The following TEX9 variants were observed in gnomAD, a reference collection of about 807,000 sequenced individuals.
TEX9 encodes testis expressed 9.
In TEX9, 74 loss-of-function variants were observed where a neutral mutation model predicts 59.6. The observed-to-expected ratio is 1.24, with a 90% CI of 1.03 to 1.51. The LOEUF (loss-of-function observed/expected upper bound fraction) is 1.51. TEX9 is among the 40% of genes most tolerant of loss of function. The pLI is 0.00. For synonymous variants in TEX9, 186 were observed against 152.2 expected (o/e 1.22, Z -1.64); for missense variants, 522 against 447.8 (o/e 1.17, Z -1.49).
At chr15:56,391,873 T>C (rs1399593599) in intron 7 of TEX9, among the ~76,000 whole-genome samples, 2 of 152,168 alleles carry the variant, frequency 1.3e-5, no homozygotes, top group Non-Finnish European at 2.9e-5. Flanking sequence ...TGAATTGACA[T>C]TGCATCAGGT....
chr15:56,377,931 G>A (rs147469281), intron 3 of TEX9, among the ~76,000 whole-genome samples: 1 of 152,212 alleles, frequency 6.6e-6, no homozygotes, highest in African/African-American at 2.4e-5. Flanking sequence ...ACCATGAAGG[G>A]ATGTTGAACT....
chr15:56,321,192 A>G (rs1184238122), intron 1 of TEX9, among the ~76,000 whole-genome samples: 1 of 152,198 alleles, frequency 6.6e-6, no homozygotes, highest in Non-Finnish European at 1.5e-5. Flanking sequence ...GAGGAATACA[A>G]TAAGGCCACA....
chr15:56,247,707 C>T (rs1042878627), intron 1 of TEX9, among the ~76,000 whole-genome samples: 1 of 152,140 alleles, frequency 6.6e-6, no homozygotes, highest in African/African-American at 2.4e-5. Context: ...GCCTGAAAGT[C>T]GGTTTCATTA....
chr15:56,310,736 G>A (rs1467475196), intron 1 of TEX9, among the ~76,000 whole-genome samples: 1 of 152,192 alleles, frequency 6.6e-6, no homozygotes, highest in Non-Finnish European at 1.5e-5. Context: ...AGTCTTCTGA[G>A]CAAAGGGAAA....
chr15:56,275,493 C>T (rs760849943), intron 1 of TEX9, among the ~76,000 whole-genome samples: 1 of 152,138 alleles, frequency 6.6e-6, no homozygotes, highest in Non-Finnish European at 1.5e-5. Context: ...TACATGGCTC[C>T]AAAGGATTTT....
intron 3 of TEX9, among the ~76,000 whole-genome samples, chr15:56,375,387 T>C (rs1346955956): frequency 6.6e-6 from 1 of 152,052 alleles, no homozygotes; most frequent in African/African-American, 2.4e-5. Flanking sequence ...GTAAATTTGT[T>C]TGAGTTCATT....
chr15:56,424,270 C>T (rs2050137471), intron 10 of TEX9, among the ~76,000 whole-genome samples: 1 of 152,076 alleles, frequency 6.6e-6, no homozygotes, highest in Non-Finnish European at 1.5e-5. Flanking sequence ...ACAGTTTTGA[C>T]TTAAAGTCTA....
At chr15:56,348,646 T>G (rs565735895) in intron 1 of TEX9, among the ~76,000 whole-genome samples, 11 of 152,252 alleles carry the variant, frequency 7.2e-5, no homozygotes, top group African/African-American at 2.2e-4. Flanking sequence ...ATGTGCCAAT[T>G]TTCTTTGACT....
chr15:56,300,737 G>GAGAGAGAGAGAGAGAGAA, intron 1 of TEX9, among the ~76,000 whole-genome samples: 1 of 149,028 alleles, frequency 6.7e-6, no homozygotes, highest in African/African-American at 2.5e-5. Flanking sequence ...GAGAGAGAGA[G>GAGAGAGAGAGAGAGAGAA]AGAGAGAGAC....
chr15:56,372,629 G>T (rs2682036), intron 2 of TEX9, among the ~76,000 whole-genome samples: 4,757 of 152,014 alleles, frequency 0.031, 182 homozygotes, highest in East Asian at 0.093. Context: ...ATTACGTGAA[G>T]ATAGATATTC....
chr15:56,317,231 A>G (rs763755878), intron 1 of TEX9, among the ~76,000 whole-genome samples: 2 of 152,224 alleles, frequency 1.3e-5, no homozygotes. Context: ...TTATGAATCT[A>G]TTCAGATTTT....
At chr15:56,389,782 T>G (rs1485544975) in intron 6 of TEX9, among the ~76,000 whole-genome samples, 1 of 151,994 alleles carries the variant, frequency 6.6e-6, no homozygotes, top group Non-Finnish European at 1.5e-5. Flanking sequence ...TATTATTTTG[T>G]CTGTTGAGCT....
At chr15:56,375,672 CA>C (rs2047405670) in intron 3 of TEX9, among the ~76,000 whole-genome samples, 1 of 151,948 alleles carries the variant, frequency 6.6e-6, no homozygotes, top group Admixed American at 6.6e-5. Context: ...GTCTTTAATC[CA>C]TCTTGAATTA....
At chr15:56,346,259 G>A (rs1483044430) in intron 1 of TEX9, among the ~76,000 whole-genome samples, 1 of 152,154 alleles carries the variant, frequency 6.6e-6, no homozygotes, top group African/African-American at 2.4e-5. Flanking sequence ...AGAGAAGCAG[G>A]GAGTGAGCTC....
downstream of TEX9, among the ~76,000 whole-genome samples, chr15:56,447,967 T>C (rs186693399): frequency 2.0e-5 from 3 of 152,354 alleles, no homozygotes; most frequent in East Asian, 5.8e-4. Flanking sequence ...TTATTGCATA[T>C]AGTAATTGCT....
chr15:56,264,427 T>G (rs1335119686), intron 1 of TEX9, among the ~76,000 whole-genome samples: 1 of 152,214 alleles, frequency 6.6e-6, no homozygotes, highest in Non-Finnish European at 1.5e-5. Context: ...TTCCCTGGGT[T>G]GTTTGATTTC....
In TEX9 at chr15:56,401,187, A is replaced by G. The variant is rs1391281489; in HGVS notation, c.828+6353A>G. ...CCCCAATTAAAAGACACAGACTCGCAAATTGGATATAGAGTCAAGACCCAT... is the reference window on the plus strand; with the variant it reads ...CCCCAATTAAAAGACACAGACTCGCGAATTGGATATAGAGTCAAGACCCAT... On this transcript the variant is annotated intron_variant, in intron 9 of 12. Transcript: ENST00000352903. Among the ~76,000 whole-genome samples, 4 of 152,018 alleles carry G rather than the reference A, an allele frequency of 2.6e-5. No homozygotes were observed. The East Asian group carries it at 7.7e-4, about 29-fold the overall frequency.
At chr15:56,319,832 A>C (rs1160748134) in intron 1 of TEX9, among the ~76,000 whole-genome samples, 1 of 152,210 alleles carries the variant, frequency 6.6e-6, no homozygotes, top group Non-Finnish European at 1.5e-5. Flanking sequence ...TTGGAAAATG[A>C]GTATTAAAGT....
At chr15:56,336,933 C>G (rs1244759394) in intron 1 of TEX9, among the ~76,000 whole-genome samples, 4 of 152,158 alleles carry the variant, frequency 2.6e-5, no homozygotes, top group African/African-American at 9.7e-5. Context: ...AAGTGTTTGA[C>G]ACTCCCAGCA....
Sources: allele counts gnomAD v4.1 joint callset (sites outside exome capture counted in the v4.1 genomes callset), GRCh38; gene constraint gnomAD v4.1.1; transcripts MANE v1.5; gene names NCBI Gene and HGNC (gene_info 2026-07-23, HGNC 2026-07-21).